ANKRD60: variants seen among roughly 807,000 people sequenced by gnomAD.
The protein encoded by ANKRD60 is ankyrin repeat domain-containing protein 60.
In ANKRD60, 24 loss-of-function variants were observed where a neutral mutation model predicts 21.3. The observed-to-expected ratio is 1.13, with a 90% CI of 0.82 to 1.59. The LOEUF is 1.59. Ranked by LOEUF, ANKRD60 falls within the 40% of genes most tolerant of loss-of-function variation. The pLI, the probability that ANKRD60 is intolerant of heterozygous loss-of-function variation, is 0.00. For missense variants in ANKRD60, 490 were observed against 466.7 expected, an observed-to-expected ratio of 1.05 and a Z score of -0.46; for synonymous variants, 182 against 199.4, an observed-to-expected ratio of 0.91 and a Z score of 0.74.
exon 2 of ANKRD60, chr20:58,223,068 T>C: frequency 2.6e-6 from 4 of 1,550,976 alleles, no homozygotes; most frequent in Non-Finnish European, 3.5e-6. Context: ...GGGATCCCCT[T>C]CCACAGCCGC....
In ANKRD60 at chr20:58,221,495, A is replaced by T; in HGVS notation, c.570T>A (p.Cys190Ter). The change falls in exon 3 of 4, where the codon TGT (cysteine) becomes TGA (stop). Residue 190 changes from cysteine (C) to a stop codon, truncating the protein, a stop_gained. Transcript: ENST00000457363. LOFTEE classifies it high-confidence loss of function. Reference sequence around the variant, plus strand: ...AGAAGGAATCTTCAGTAAGCCCGAGACAAGATAGCTGGGCAAGACAAGAGG... The same window carrying T: ...AGAAGGAATCTTCAGTAAGCCCGAGTCAAGATAGCTGGGCAAGACAAGAGG... 1.9e-6 allele frequency: 3 copies of T among 1,551,680 alleles called. No individual in the cohort carries two copies. The highest frequency in any genetic ancestry group is 1.7e-6 in the Non-Finnish European group (2 of 1,146,940).
chr20:58,219,114 C>G (rs768211270), intron 3 of ANKRD60, among the ~76,000 whole-genome samples: 20 of 152,278 alleles, frequency 1.3e-4, no homozygotes, highest in African/African-American at 3.6e-4. Flanking sequence ...CTCTCCTCCC[C>G]CACCCCACCA....
At chr20:58,226,888 G>A (rs1355803167) in intron 1 of ANKRD60, among the ~76,000 whole-genome samples, 2 of 152,132 alleles carry the variant, frequency 1.3e-5, no homozygotes, top group Non-Finnish European at 2.9e-5. Context: ...AGTGGCTAAT[G>A]GATTGGGGTT....
At position 58,221,872 on chromosome 20, in the gene ANKRD60, C is replaced by T. The variant is rs186105180; in HGVS notation, c.562-369G>A. On this transcript the variant is annotated intron_variant, in intron 2 of 3. Transcript: ENST00000457363. ...AAATGGCCTCCCAGAGGGTGACAGT[C>T]ATCTCTTGGAGACCGGATCTGGCTT... is the stretch of plus-strand genomic sequence containing the variant. Among the ~76,000 whole-genome samples, 18 of 152,320 alleles carry T rather than the reference C, an allele frequency of 1.2e-4. No individual in the cohort carries two copies. The East Asian group carries it at 3.5e-3, about 29-fold the overall frequency.
chr20:58,220,831 G>A (rs112830220), intron 3 of ANKRD60, among the ~76,000 whole-genome samples: 7 of 152,054 alleles, frequency 4.6e-5, no homozygotes, highest in African/African-American at 1.4e-4. Flanking sequence ...GTTTCACCAG[G>A]CTGGTTGGCC....
At chr20:58,224,412 A>G (rs1236720238) in intron 1 of ANKRD60, among the ~76,000 whole-genome samples, 1 of 152,174 alleles carries the variant, frequency 6.6e-6, no homozygotes, top group Non-Finnish European at 1.5e-5. Context: ...CCGAGTACCT[A>G]TATTCTTTCA....
rs560442674 is a variant in ANKRD60, at chr20:58,228,495, C to A, written c.159G>T (p.Val53=). 1,406 of 1,451,824 alleles carry A rather than the reference C, an allele frequency of 9.7e-4. 1 individual carries two copies. Among genetic ancestry groups the A allele is most frequent in the Admixed American group, 1.2e-3 (44 of 37,900 alleles). The allele number at this position is 1,451,824 out of a possible 1,614,324, so 89.9% of individuals were successfully genotyped here. The change falls in exon 1 of 4, where the codon GTG becomes GTT. Residue 53 remains valine (V), a synonymous_variant. Coordinates refer to ENST00000457363, the Ensembl canonical transcript of ANKRD60. This position sits in a 1 kb window ranked among gnomAD's most constrained non-coding sequence, Gnocchi z 5.3. ...GGAGGGCCCGCGAGTCCGCCGAGCC[C>A]ACCCTGGGCCCGCCGCACCCCTGAG...
chr20:58,228,343 C>T lies in ANKRD60; in HGVS notation c.311G>A (p.Gly104Glu). 1 of 1,550,980 alleles carries T rather than the reference C, an allele frequency of 6.4e-7. No individual in the cohort carries two copies. Among genetic ancestry groups the T allele is most frequent in the Non-Finnish European group, 8.7e-7 (1 of 1,146,948 alleles). ...GCAGTTTGCCACTCGGAACATCTCC[C>T]CCGTCTCCTCCAGCCGCACCCGCAG... The change falls in exon 1 of 4, where the codon GGG (glycine) becomes GAG (glutamate). Residue 104 changes from glycine to glutamate, a missense_variant. Coordinates refer to ENST00000457363, the Ensembl canonical transcript of ANKRD60. The surrounding 1 kb of genome is among the most constrained non-coding windows in gnomAD (Gnocchi z 5.3).
chr20:58,219,058 C>G (rs1293214714), intron 3 of ANKRD60, among the ~76,000 whole-genome samples: 1 of 152,148 alleles, frequency 6.6e-6, no homozygotes, highest in Non-Finnish European at 1.5e-5. Context: ...CCCGCTCACT[C>G]TCACCCTACC....
chr20:58,217,493 T>A (rs750963216), downstream of ANKRD60, among the ~76,000 whole-genome samples: 1 of 151,686 alleles, frequency 6.6e-6, no homozygotes, highest in African/African-American at 2.4e-5. Flanking sequence ...GTCTGGAGAG[T>A]TCTAGAAAGA....
intron 1 of ANKRD60, among the ~76,000 whole-genome samples, chr20:58,225,209 C>G (rs144901339): frequency 6.6e-6 from 1 of 152,178 alleles, no homozygotes; most frequent in South Asian, 2.1e-4. Flanking sequence ...CCCTCTCTCG[C>G]GCTCCCTCTT....
chr20:58,224,435 C>A (rs564842619), intron 1 of ANKRD60, among the ~76,000 whole-genome samples: 21 of 152,304 alleles, frequency 1.4e-4, no homozygotes, highest in Non-Finnish European at 2.1e-4. Context: ...CTTAGGACAG[C>A]CCTCCAAGGT....
Position 58,228,298 on chromosome 20 carries a change from C to G in ANKRD60, c.356G>C (p.Arg119Pro). ...CAGGTCCAGCTCCTCTTTGAGCTCC[C>G]GCACGGTCATGTCGCCGCGGCAGTT... Residue 119 changes from arginine to proline, a missense_variant, in exon 1 of 4, where the codon CGG becomes CCG. Coordinates refer to ENST00000457363, the Ensembl canonical transcript of ANKRD60. This position sits in a 1 kb window ranked among gnomAD's most constrained non-coding sequence, Gnocchi z 5.3. The G allele has an allele frequency of 6.4e-7, 1 of 1,551,378 alleles. No individual in the cohort carries two copies. Among genetic ancestry groups the G allele is most frequent in the Non-Finnish European group, 8.7e-7 (1 of 1,146,896 alleles).
chr20:58,224,382 G>C (rs889644731), intron 1 of ANKRD60, among the ~76,000 whole-genome samples: 1 of 152,210 alleles, frequency 6.6e-6, no homozygotes. Context: ...TAGGTACTTA[G>C]TGATTACTTG....
At chr20:58,220,922 C>T (rs896047792) in intron 3 of ANKRD60, among the ~76,000 whole-genome samples, 2 of 152,124 alleles carry the variant, frequency 1.3e-5, no homozygotes, top group Non-Finnish European at 2.9e-5. Context: ...CATGAGCCAC[C>T]GTGCCTGGCC....
chr20:58,220,817 C>T (rs368619653), intron 3 of ANKRD60, among the ~76,000 whole-genome samples: 72 of 151,818 alleles, frequency 4.7e-4, no homozygotes, highest in African/African-American at 1.5e-3. Flanking sequence ...TTAGTAGAGA[C>T]GGGGTTTCAC....
exon 4 of ANKRD60, chr20:58,218,644 T>A: frequency 5.2e-6 from 8 of 1,551,806 alleles, no homozygotes; most frequent in South Asian, 1.2e-5. Context: ...AGTGTGTGGT[T>A]CAGGCGGTGT....
chr20:58,222,027 G>T (rs555420373), intron 2 of ANKRD60, among the ~76,000 whole-genome samples: 1 of 152,298 alleles, frequency 6.6e-6, no homozygotes, highest in Admixed American at 6.5e-5. Context: ...AAGGCTACGG[G>T]TTCCCCCAGG....
chr20:58,219,747 A>T (rs1166451754), intron 3 of ANKRD60, among the ~76,000 whole-genome samples: 1 of 152,222 alleles, frequency 6.6e-6, no homozygotes, highest in African/African-American at 2.4e-5. Context: ...TTAGAACACC[A>T]GTGTCGACCA....
Sources: allele counts gnomAD v4.1 joint callset (sites outside exome capture counted in the v4.1 genomes callset), GRCh38; gene constraint gnomAD v4.1.1; non-coding constraint Gnocchi (gnomAD v3.1); transcripts MANE v1.5; gene names NCBI Gene and HGNC (gene_info 2026-07-23, HGNC 2026-07-21).